Variants in ZNF737 observed in about 807,000 individuals in gnomAD.
ZNF737 encodes the protein zinc finger protein 737, also known as zinc finger protein 102 (Y3).
In ZNF737, 13 loss-of-function variants were observed where a neutral mutation model predicts 11.7. That is an observed-to-expected ratio of 1.11 (90% confidence interval 0.73 to 1.77). The LOEUF is 1.77. ZNF737 is among the 40% of genes most tolerant of loss of function. ZNF737 has a pLI of 0.00. For synonymous variants in ZNF737, 217 were observed against 216.2 expected (o/e 1.00, Z -0.03); for missense variants, 636 against 638.0 (o/e 1.00, Z 0.03).
Position 20,552,472 on chromosome 19 carries a change from T to TA in ZNF737, c.226+2dup. 1 of 1,578,410 alleles carries TA rather than the reference T, an allele frequency of 6.3e-7. No homozygotes were observed. The highest frequency in any genetic ancestry group is 8.6e-7 in the Non-Finnish European group (1 of 1,166,788). ...TGCTATATTCATTTTCACTTGCACCTACCTGAGGGGTTGGCTACCATCTCA... is the reference window on the plus strand; with the variant it reads ...TGCTATATTCATTTTCACTTGCACCTAACCTGAGGGGTTGGCTACCATCTCA... On this transcript the variant is annotated splice_region_variant and intron_variant, in intron 3 of 3. Transcript: ENST00000427401.
In ZNF737 at chr19:20,544,918, C is replaced by G. The variant is rs782070189; in HGVS notation, c.1285G>C (p.Glu429Gln). 1 of 1,612,670 alleles carries G rather than the reference C, an allele frequency of 6.2e-7. No individual in the cohort carries two copies. Among genetic ancestry groups the G allele is most frequent in the Non-Finnish European group, 8.5e-7 (1 of 1,179,492 alleles). Residue 429 changes from glutamate to glutamine, a missense_variant, in exon 4 of 4, where the codon GAA becomes CAA. Transcript: ENST00000427401. Reference protein sequence around the residue: ...HTGQQPFKCEECGKAFKCFSI... With the variant: ...HTGQQPFKCEQCGKAFKCFSI... ...AAGCACTTAAAGGCCTTGCCACATT[C>G]TTCACACTTGAAGGGTTGCTGTCCA...
At position 20,540,140 on chromosome 19, in the gene ZNF737, C is replaced by G; in HGVS notation, c.*4452G>C. The G allele has an allele frequency of 2.0e-6, 2 of 985,336 alleles. No homozygotes were observed. Among genetic ancestry groups the G allele is most frequent in the Non-Finnish European group, 1.2e-6 (1 of 829,914 alleles). 61.0% of individuals were successfully genotyped at this position (985,336 alleles called of 1,614,324 possible). The stretch of plus-strand genomic sequence containing the variant: ...GGCAGAAATGATGGCAAGATACAAA[C>G]ATTTTTCCCGCCATGTGGCCACCAT... On this transcript the variant is annotated 3_prime_UTR_variant, in exon 4 of 4. Coordinates refer to ENST00000427401, the MANE Select transcript of ZNF737 (RefSeq NM_001159293.2).
downstream of ZNF737, among the ~76,000 whole-genome samples, chr19:20,536,429 C>T (rs1555753855): frequency 2.6e-5 from 4 of 152,110 alleles, no homozygotes; most frequent in South Asian, 2.1e-4. Flanking sequence ...ATATCACCTG[C>T]CTCTGCTATT....
chr19:20,531,414 C>T (rs915537569), downstream of ZNF737, among the ~76,000 whole-genome samples: 1 of 148,792 alleles, frequency 6.7e-6, no homozygotes, highest in East Asian at 2.0e-4. Context: ...TTTTTATATT[C>T]TATAAAAGTA....
At chr19:20,547,624 A>G (rs1968504459) in intron 3 of ZNF737, among the ~76,000 whole-genome samples, 1 of 152,206 alleles carries the variant, frequency 6.6e-6, no homozygotes, top group Non-Finnish European at 1.5e-5. Flanking sequence ...ACAATAATAC[A>G]TTTTAAATAA....
chr19:20,537,321 C>G (rs1177451038), downstream of ZNF737, among the ~76,000 whole-genome samples: 1 of 151,636 alleles, frequency 6.6e-6, no homozygotes. Context: ...CTGCCTCAGC[C>G]TCCCCAGTAG....
intron 3 of ZNF737, among the ~76,000 whole-genome samples, chr19:20,548,974 A>C (rs1306279199): frequency 2.5e-5 from 3 of 120,362 alleles, no homozygotes; most frequent in Non-Finnish European, 5.2e-5. Flanking sequence ...AAAAAAAAAA[A>C]AAAAAACAAT....
downstream of ZNF737, among the ~76,000 whole-genome samples, chr19:20,537,789 A>G (rs1968038128): frequency 6.6e-6 from 1 of 152,164 alleles, no homozygotes; most frequent in Non-Finnish European, 1.5e-5. Flanking sequence ...TGCTGGGATT[A>G]CAGGCATGAG....
chr19:20,554,341 T>G (rs540076867), intron 1 of ZNF737, among the ~76,000 whole-genome samples: 3 of 152,304 alleles, frequency 2.0e-5, no homozygotes, highest in Non-Finnish European at 4.4e-5. Context: ...AAACATCCAG[T>G]AAGTGGAAGA....
In ZNF737 at chr19:20,545,059, A is replaced by C. The variant is rs782148054; in HGVS notation, c.1144T>G (p.Ser382Ala). Residue 382 changes from serine to alanine, a missense_variant, in exon 4 of 4, where the codon TCA becomes GCA. Coordinates refer to ENST00000427401, the MANE Select transcript of ZNF737 (RefSeq NM_001159293.2). ...EECGKAFNWS[S>A]HLTTHKRIHT... ...ATTCTCTTATGTGTAGTAAGGTGTGAGGACCAGTTGAAGGCTTTGCCACAT... is the reference window on the plus strand; with the variant it reads ...ATTCTCTTATGTGTAGTAAGGTGTGCGGACCAGTTGAAGGCTTTGCCACAT... 12 of 1,613,716 alleles carry C rather than the reference A, an allele frequency of 7.4e-6. No individual in the cohort carries two copies. In the South Asian group the frequency reaches 8.8e-5, roughly 12 times the overall value.
At position 20,543,199 on chromosome 19, in the gene ZNF737, T is replaced by C. The variant is rs1304853030; in HGVS notation, c.*1393A>G. On this transcript the variant is annotated 3_prime_UTR_variant, in exon 4 of 4. Coordinates refer to ENST00000427401, the MANE Select transcript of ZNF737 (RefSeq NM_001159293.2). ...CTCTGTTGTTTTCTAAGCTGTAGTT[T>C]CTGGGGAAAAAAAAGTGTTTCTAAA... The C allele has an allele frequency of 1.0e-6, 1 of 981,656 alleles. No individual in the cohort carries two copies. The highest frequency in any genetic ancestry group is 1.2e-6 in the Non-Finnish European group (1 of 828,566). The allele number at this position is 981,656 out of a possible 1,614,324, so 60.8% of individuals were successfully genotyped here.
At chr19:20,564,155 ACT>A (rs1417976376) in intron 1 of ZNF737, 35 of 152,120 alleles carry the variant, frequency 2.3e-4, no homozygotes, top group African/African-American at 8.2e-4. Context: ...ACAGAGCGAG[ACT>A]CTGTTTCAAA....
Position 20,539,078 on chromosome 19 carries a change from C to T in ZNF737, c.*5514G>A, listed in dbSNP as rs1480587379. 1.2e-6 allele frequency: 1 copy of T among 823,416 alleles called. No homozygotes were observed. Among genetic ancestry groups the T allele is most frequent in the African/African-American group, 1.9e-5 (1 of 53,858 alleles). The allele number at this position is 823,416 out of a possible 1,614,324, so 51.0% of individuals were successfully genotyped here. A position where few individuals can be genotyped will look rare whatever the true frequency, so the allele number is the denominator to read the frequency against. On this transcript the variant is annotated 3_prime_UTR_variant, in exon 4 of 4. Coordinates refer to ENST00000427401, the MANE Select transcript of ZNF737 (RefSeq NM_001159293.2). ...TGGGAGGCTGAGGTGGATGGATCAC[C>T]TGAGGTCAGGAGTTCAAGACAAGCC...
chr19:20,545,876 G>A lies in ZNF737; in HGVS notation c.327C>T (p.Asp109=), dbSNP rs1555756928. 1.2e-6 allele frequency: 2 copies of A among 1,613,006 alleles called. No individual in the cohort carries two copies. The highest frequency in any genetic ancestry group is 1.7e-5 in the Admixed American group (1 of 59,854). ...TLRRYENYGH[D]NLQFKKGCES... is the part of the protein sequence containing the mutation. Reference sequence around the variant, plus strand: ...CACAGCCCTTTTTAAACTGTAAATTGTCATGTCCATAGTTTTCATATCTTC... The same window carrying A: ...CACAGCCCTTTTTAAACTGTAAATTATCATGTCCATAGTTTTCATATCTTC... The change falls in exon 4 of 4, where the codon GAC becomes GAT. Residue 109 remains aspartate (D), a synonymous_variant. Transcript: ENST00000427401.
intron 3 of ZNF737, among the ~76,000 whole-genome samples, chr19:20,549,345 T>C (rs954413958): frequency 5.3e-5 from 8 of 152,088 alleles, no homozygotes; most frequent in Non-Finnish European, 8.8e-5. Flanking sequence ...AAACCTACAC[T>C]GAGGCCAGAG....
At chr19:20,534,608 TA>T (rs1305896863), downstream of ZNF737, among the ~76,000 whole-genome samples, 1 of 150,238 alleles carries the variant, frequency 6.7e-6, no homozygotes, top group East Asian at 2.0e-4. Flanking sequence ...AACTTGTAAA[TA>T]ATGTTGTCAG....
intron 3 of ZNF737, among the ~76,000 whole-genome samples, chr19:20,550,806 G>A (rs549553456): frequency 2.0e-5 from 3 of 152,348 alleles, no homozygotes; most frequent in African/African-American, 2.4e-5. Context: ...CTGTTAAAGC[G>A]TAAGGTTGAG....
At chr19:20,564,204 T>C (rs1274943502) in intron 1 of ZNF737, 2 of 151,962 alleles carry the variant, frequency 1.3e-5, no homozygotes, top group African/African-American at 4.8e-5. Context: ...AGTAAAAAAT[T>C]AGTCATATGG....
In ZNF737 at chr19:20,565,657, G is replaced by C; in HGVS notation, c.-17C>G. The C allele has an allele frequency of 6.2e-7, 1 of 1,614,182 alleles. No homozygotes were observed. Among genetic ancestry groups the C allele is most frequent in the South Asian group, 1.1e-5 (1 of 91,082 alleles). ...TCTCACCATTTCTAGGCTTCCAGGG[G>C]CTCCCGGGCGTCTTAGCTGTGGATC... On this transcript the variant is annotated 5_prime_UTR_variant, in exon 1 of 4. Coordinates refer to ENST00000427401, the MANE Select transcript of ZNF737 (RefSeq NM_001159293.2).
Sources: gnomAD v4.1 joint callset for allele counts (sites outside exome capture counted in the v4.1 genomes callset) on GRCh38, gnomAD v4.1.1 for gene constraint, MANE v1.5 for transcripts, NCBI Gene and HGNC (gene_info 2026-07-23, HGNC 2026-07-21) for gene names.